FGF13: variants seen among roughly 807,000 people sequenced by gnomAD.
FGF13 encodes fibroblast growth factor 13.
A neutral mutation model predicts 19.5 loss-of-function variants in FGF13; 2 were observed. That is an observed-to-expected ratio of 0.10 (90% CI 0.04 to 0.32). The LOEUF (loss-of-function observed/expected upper bound fraction) is 0.32. FGF13 is among the 10% of genes least tolerant of loss of function. The probability of loss-of-function intolerance (pLI) is 1.00; values close to 1 mark genes in which losing one functional copy is unlikely to be tolerated. For missense variants in FGF13, 113 were observed against 192.7 expected (o/e 0.59, Z 2.45); for synonymous variants, 72 against 76.9 (o/e 0.94, Z 0.33).
At chrX:139,018,195 C>A (rs1470245462) in intron 1 of FGF13, among the ~76,000 whole-genome samples, 1 of 111,772 alleles carries the variant, frequency 8.9e-6, no homozygotes, top group Non-Finnish European at 1.9e-5. Flanking sequence ...ACTCTTAAAT[C>A]TTCCAGATTG....
chrX:139,091,752 A>G (rs1186158702), intron 1 of FGF13, among the ~76,000 whole-genome samples: 2 of 111,584 alleles, frequency 1.8e-5, no homozygotes, highest in African/African-American at 6.5e-5. Context: ...GCTATATATC[A>G]GAGGCAGAAA....
At position 138,623,921 on chromosome X, in the gene FGF13, T is replaced by C. The variant is rs1163316667; in HGVS notation, c.*8929A>G. The C allele has an allele frequency of 1.8e-5, 2 of 112,183 alleles. No individual in the cohort carries two copies. Among genetic ancestry groups the C allele is most frequent in the Non-Finnish European group, 3.8e-5 (2 of 53,235 alleles). The allele number at this position is 112,183 out of a possible 1,213,427, so 9.2% of individuals were successfully genotyped here. On this transcript the variant is annotated 3_prime_UTR_variant, in exon 5 of 5. Transcript: ENST00000315930. ...CTGTACATTAAAAACTATAAGATAC[T>C]GATGAAAGGAATTGAAGAAGAGAAA...
chrX:138,851,810 T>C (rs1438382330), intron 3 of FGF13, among the ~76,000 whole-genome samples: 1 of 111,866 alleles, frequency 8.9e-6, no homozygotes, highest in Non-Finnish European at 1.9e-5. Flanking sequence ...ATCCTATATC[T>C]AGAAAACCCC....
In FGF13 at chrX:138,628,448, G is replaced by A. The variant is rs1486290426; in HGVS notation, c.*4402C>T. 8.9e-6 allele frequency: 1 copy of A among 112,182 alleles called. No individual in the cohort carries two copies. Among genetic ancestry groups the A allele is most frequent in the African/African-American group, 3.2e-5 (1 of 30,854 alleles). The allele number at this position is 112,182 out of a possible 1,213,427, so 9.2% of individuals were successfully genotyped here. ...AGTGAGAAAATGGCTTTGAATAGAG[G>A]TTGAAAGGATTTTCAGAAACAATAG... On this transcript the variant is annotated 3_prime_UTR_variant, in exon 5 of 5. Coordinates refer to ENST00000315930, the MANE Select transcript of FGF13 (RefSeq NM_004114.5).
At chrX:138,729,644 GT>G (rs1013977947) in intron 1 of FGF13, among the ~76,000 whole-genome samples, 2 of 109,885 alleles carry the variant, frequency 1.8e-5, no homozygotes, top group African/African-American at 6.6e-5. Flanking sequence ...AAGACAACAT[GT>G]TATGTATCTA....
intron 1 of FGF13, among the ~76,000 whole-genome samples, chrX:138,938,379 T>C (rs2091742175): frequency 1.8e-5 from 2 of 111,866 alleles, no homozygotes; most frequent in Admixed American, 9.5e-5. Flanking sequence ...TTCTTCCAGC[T>C]TTTGGGGGAA....
At chrX:139,193,347 G>A (rs996801276) in intron 1 of FGF13, among the ~76,000 whole-genome samples, 6 of 112,124 alleles carry the variant, frequency 5.4e-5, no homozygotes, top group African/African-American at 1.9e-4. Flanking sequence ...GAGTTTCAAA[G>A]GTAAAGGAGC....
chrX:138,855,267 G>C (rs1160266645), downstream of FGF13, among the ~76,000 whole-genome samples: 1 of 111,590 alleles, frequency 9.0e-6, no homozygotes, highest in Non-Finnish European at 1.9e-5. Context: ...CAGCTCCACA[G>C]CATGTTTTCT....
At chrX:138,979,856 A>T (rs978185376) in intron 1 of FGF13, among the ~76,000 whole-genome samples, 1 of 111,816 alleles carries the variant, frequency 8.9e-6, no homozygotes, top group African/African-American at 3.3e-5. Context: ...TCACAGGGGA[A>T]TATAATGAAA....
At chrX:138,889,977 G>A (rs1403911234) in intron 1 of FGF13, among the ~76,000 whole-genome samples, 1 of 107,528 alleles carries the variant, frequency 9.3e-6, no homozygotes, top group Non-Finnish European at 1.9e-5. Context: ...CGCCCAGGCT[G>A]GAGTTCAGTG....
chrX:139,007,282 A>G (rs917163652), intron 1 of FGF13, among the ~76,000 whole-genome samples: 1 of 111,632 alleles, frequency 9.0e-6, no homozygotes, highest in Non-Finnish European at 1.9e-5. Context: ...AAAGAGGTCA[A>G]TTTGGCAAGA....
At chrX:139,071,024 A>G (rs749509692) in intron 1 of FGF13, among the ~76,000 whole-genome samples, 3 of 109,896 alleles carry the variant, frequency 2.7e-5, no homozygotes, top group Non-Finnish European at 5.7e-5. Flanking sequence ...GAACTACCCA[A>G]TGTAGATGAC....
intron 1 of FGF13, among the ~76,000 whole-genome samples, chrX:138,961,576 A>G (rs747978370): frequency 9.0e-6 from 1 of 111,497 alleles, no homozygotes; most frequent in East Asian, 2.8e-4. Flanking sequence ...CCTTTTGTTC[A>G]GCTATGCCCT....
At chrX:139,065,153 A>C (rs2092350691) in intron 1 of FGF13, among the ~76,000 whole-genome samples, 1 of 111,173 alleles carries the variant, frequency 9.0e-6, no homozygotes, top group Admixed American at 9.7e-5. Flanking sequence ...TCCTGAAGGA[A>C]GCACTAAACA....
At position 138,628,449 on chromosome X, in the gene FGF13, T is replaced by C. The variant is rs891152735; in HGVS notation, c.*4401A>G. On this transcript the variant is annotated 3_prime_UTR_variant, in exon 5 of 5. Coordinates refer to ENST00000315930, the MANE Select transcript of FGF13 (RefSeq NM_004114.5). ...GTGAGAAAATGGCTTTGAATAGAGG[T>C]TGAAAGGATTTTCAGAAACAATAGA... 1 of 112,053 alleles carries C rather than the reference T, an allele frequency of 8.9e-6. No individual in the cohort carries two copies. The highest frequency in any genetic ancestry group is 1.9e-5 in the Non-Finnish European group (1 of 53,193). The allele number at this position is 112,053 out of a possible 1,213,427, so 9.2% of individuals were successfully genotyped here.
At position 138,676,988 on chromosome X, in the gene FGF13, TA is replaced by T. The variant is rs2089674762; in HGVS notation, c.402+25995del. 2.7e-5 allele frequency among the ~76,000 whole-genome samples: 3 copies of T among 112,659 alleles called. No homozygotes were observed. The South Asian group carries it at 1.1e-3, about 41-fold the overall frequency. On this transcript the variant is annotated intron_variant, in intron 3 of 4. Transcript: ENST00000315930. ...TCACATTGCTACAGAATGTTTCCCA[TA>T]AATCATTCAATCAGAAATTTAAAAG...
At chrX:139,032,168 T>C in intron 1 of FGF13, among the ~76,000 whole-genome samples, 1 of 111,916 alleles carries the variant, frequency 8.9e-6, no homozygotes, top group Middle Eastern at 4.6e-3. Flanking sequence ...GCTAAGCAGA[T>C]GCTTTCCCCA....
intron 3 of FGF13, among the ~76,000 whole-genome samples, chrX:138,646,303 A>T (rs1328279965): frequency 1.8e-5 from 2 of 112,232 alleles, no homozygotes; most frequent in Admixed American, 9.5e-5. Flanking sequence ...GGAACCTGGC[A>T]TTAACACTTT....
At chrX:138,977,340 CTT>C (rs1294819592) in intron 1 of FGF13, among the ~76,000 whole-genome samples, 1 of 112,151 alleles carries the variant, frequency 8.9e-6, no homozygotes, top group African/African-American at 3.2e-5. Flanking sequence ...GAAATGTCAT[CTT>C]TATATAGCTC....
Sources: gnomAD v4.1 joint callset for allele counts (sites outside exome capture counted in the v4.1 genomes callset) on GRCh38, gnomAD v4.1.1 for gene constraint, MANE v1.5 for transcripts, NCBI Gene and HGNC (gene_info 2026-07-23, HGNC 2026-07-21) for gene names.